Variants in SNTG1 observed in about 807,000 individuals in gnomAD.
SNTG1 encodes syntrophin gamma 1.
A neutral mutation model predicts 74.7 loss-of-function variants in SNTG1; 39 were observed. The observed-to-expected ratio is 0.52, with a 90% confidence interval of 0.40 to 0.68. The LOEUF (loss-of-function observed/expected upper bound fraction) is 0.68. Ranked by LOEUF, SNTG1 falls within the 30% of genes least tolerant of loss-of-function variation. The probability of loss-of-function intolerance (pLI) is 0.00; values close to 1 mark genes in which losing one functional copy is unlikely to be tolerated. For synonymous variants in SNTG1, 254 were observed against 217.1 expected, an observed-to-expected ratio of 1.17 and a Z score of -1.49; for missense variants, 685 against 609.5, an observed-to-expected ratio of 1.12 and a Z score of -1.30.
In SNTG1 at chr8:50,795,516, G is replaced by T. The variant is rs907387282; in HGVS notation, c.*2687G>T. ...CATTTTAACAGCAAAATGCTAATGTGTTAACCCCTCCAGTGCCTTGGTATG... is the reference window on the plus strand; with the variant it reads ...CATTTTAACAGCAAAATGCTAATGTTTTAACCCCTCCAGTGCCTTGGTATG... On this transcript the variant is annotated 3_prime_UTR_variant, in exon 19 of 19. Transcript: ENST00000642720. 1 of 151,912 alleles carries T rather than the reference G, an allele frequency of 6.6e-6. No individual in the cohort carries two copies. The highest frequency in any genetic ancestry group is 2.1e-4 in the South Asian group (1 of 4,830). 9.4% of individuals were successfully genotyped at this position (151,912 alleles called of 1,614,324 possible).
intron 2 of SNTG1, among the ~76,000 whole-genome samples, chr8:50,251,000 TA>T (rs11381278): frequency 6.6e-6 from 1 of 151,860 alleles, no homozygotes; most frequent in African/African-American, 2.4e-5. Context: ...GTCAAAAAGG[TA>T]AAAACACCAA....
chr8:50,617,378 T>TCACACACACA lies in SNTG1; in HGVS notation c.849+26488_849+26497dup, dbSNP rs3999830. ...CACCAATTAAGATCAAGTAAGCATT[T>TCACACACACA]CACACACACACACACACACACACAC... On this transcript the variant is annotated intron_variant, in intron 13 of 18. Transcript: ENST00000642720. Among the ~76,000 whole-genome samples, 278 of 147,046 alleles carry TCACACACACA rather than the reference T, an allele frequency of 1.9e-3. 2 individuals are homozygous for TCACACACACA. Among genetic ancestry groups the TCACACACACA allele is most frequent in the African/African-American group, 6.6e-3 (266 of 40,258 alleles).
At chr8:50,563,495 T>A (rs951443326) in intron 12 of SNTG1, among the ~76,000 whole-genome samples, 1 of 152,164 alleles carries the variant, frequency 6.6e-6, no homozygotes, top group South Asian at 2.1e-4. Context: ...CCATGGTAGA[T>A]GTTCCCTGTG....
At chr8:50,579,405 A>C (rs2094595748) in intron 12 of SNTG1, among the ~76,000 whole-genome samples, 2 of 152,210 alleles carry the variant, frequency 1.3e-5, no homozygotes, top group African/African-American at 4.8e-5. Context: ...GGTGACATTC[A>C]AGTAGGCTGC....
chr8:50,639,745 T>C (rs1268338891), intron 13 of SNTG1, among the ~76,000 whole-genome samples: 1 of 152,102 alleles, frequency 6.6e-6, no homozygotes, highest in Non-Finnish European at 1.5e-5. Context: ...AACTGAAATG[T>C]GTAACAATTA....
At chr8:50,177,479 A>G (rs1349457287) in intron 2 of SNTG1, among the ~76,000 whole-genome samples, 1 of 152,046 alleles carries the variant, frequency 6.6e-6, no homozygotes, top group Non-Finnish European at 1.5e-5. Context: ...TTCAACCTCA[A>G]CTATTCCCAC....
chr8:50,404,827 C>A (rs999834377), intron 4 of SNTG1, among the ~76,000 whole-genome samples: 1 of 152,046 alleles, frequency 6.6e-6, no homozygotes, highest in African/African-American at 2.4e-5. Flanking sequence ...CTCCTCTTAA[C>A]CCCTGGTAAC....
At chr8:50,591,057 G>A in intron 13 of SNTG1, 140 bp downstream of exon 13, 1 of 501,060 alleles carries the variant, frequency 2.0e-6, no homozygotes, top group Non-Finnish European at 3.4e-6. Context: ...ATACATTTCA[G>A]ATATCTCCTT....
At chr8:50,006,357 T>A (rs1815239303) in intron 1 of SNTG1, among the ~76,000 whole-genome samples, 1 of 152,228 alleles carries the variant, frequency 6.6e-6, no homozygotes, top group Non-Finnish European at 1.5e-5. Flanking sequence ...AACTTTTTTT[T>A]ATGATGACTG....
chr8:50,698,743 TC>T (rs1248714296), intron 15 of SNTG1, among the ~76,000 whole-genome samples: 1 of 152,048 alleles, frequency 6.6e-6, no homozygotes, highest in African/African-American at 2.4e-5. Context: ...ATGGGACACT[TC>T]CCAGAGCAGG....
In SNTG1 at chr8:50,351,625, GA is replaced by G. The variant is rs59160666; in HGVS notation, c.-27-42585del. Among the ~76,000 whole-genome samples the G allele has an allele frequency of 9.1e-3, 1,382 of 152,224 alleles. 23 individuals are homozygous for G. Among genetic ancestry groups the G allele is most frequent in the African/African-American group, 0.032 (1,312 of 41,528 alleles). ...AACACACATGCTGGAGTAAAAAACTGAAGAGAAAATAGTAAAAATAAGAAAA... is the reference window on the plus strand; with the variant it reads ...AACACACATGCTGGAGTAAAAAACTGAGAGAAAATAGTAAAAATAAGAAAA... On this transcript the variant is annotated intron_variant, in intron 2 of 18. Transcript: ENST00000642720.
chr8:50,262,353 T>C (rs1345691713), intron 2 of SNTG1, among the ~76,000 whole-genome samples: 4 of 152,122 alleles, frequency 2.6e-5, no homozygotes, highest in Non-Finnish European at 4.4e-5. Context: ...AGAACAAAAA[T>C]CAATACAATT....
intron 2 of SNTG1, among the ~76,000 whole-genome samples, chr8:50,305,903 TA>T (rs5891362): frequency 0.028 from 4,184 of 148,688 alleles, 181 homozygotes; most frequent in African/African-American, 0.097. Flanking sequence ...TATATTTATT[TA>T]AAAAAAAAAA....
chr8:50,508,705 G>A (rs1459762082), intron 9 of SNTG1, among the ~76,000 whole-genome samples: 1 of 152,160 alleles, frequency 6.6e-6, no homozygotes, highest in Admixed American at 6.5e-5. Flanking sequence ...TCTGTTGGTG[G>A]CATAAATGTC....
chr8:50,686,303 T>C (rs1274411107), intron 15 of SNTG1, among the ~76,000 whole-genome samples: 3 of 152,232 alleles, frequency 2.0e-5, no homozygotes, highest in African/African-American at 7.2e-5. Context: ...CTAATGTTTA[T>C]AATTTTTAGG....
intron 15 of SNTG1, among the ~76,000 whole-genome samples, chr8:50,689,459 C>G (rs9771952): frequency 0.73 from 111,381 of 152,004 alleles, 40,879 homozygotes; most frequent in East Asian, 0.78. Flanking sequence ...TAGCATGAAG[C>G]GTTGTTGAAT....
intron 2 of SNTG1, among the ~76,000 whole-genome samples, chr8:50,337,972 TA>T (rs1170502992): frequency 6.6e-6 from 1 of 151,882 alleles, no homozygotes; most frequent in Non-Finnish European, 1.5e-5. Context: ...CCGTCTCTAC[TA>T]AAAATGCAAA....
chr8:50,203,782 G>A (rs1415697266), intron 2 of SNTG1, among the ~76,000 whole-genome samples: 1 of 144,384 alleles, frequency 6.9e-6, no homozygotes, highest in Admixed American at 6.7e-5. Context: ...GTGTGTTTCT[G>A]TGTGTGTGTG....
At chr8:50,400,076 T>C (rs1312482034) in intron 3 of SNTG1, among the ~76,000 whole-genome samples, 1 of 152,160 alleles carries the variant, frequency 6.6e-6, no homozygotes, top group Non-Finnish European at 1.5e-5. Flanking sequence ...GAAAGAGTTA[T>C]CTTTGGAGGC....
Sources: gnomAD v4.1 joint callset for allele counts (sites outside exome capture counted in the v4.1 genomes callset) on GRCh38, gnomAD v4.1.1 for gene constraint, MANE v1.5 for transcripts, NCBI Gene and HGNC (gene_info 2026-07-23, HGNC 2026-07-21) for gene names.